The following SBF2 variants were observed in gnomAD, a reference collection of about 807,000 sequenced individuals.
SBF2 encodes the protein SET binding factor 2.
Under a neutral mutation model 225.2 loss-of-function variants are expected in SBF2, and 112 were observed. The observed-to-expected ratio is 0.50, with a 90% CI of 0.43 to 0.58. SBF2 has a LOEUF of 0.58. Ranked by LOEUF, SBF2 falls within the 20% of genes least tolerant of loss-of-function variation. The pLI is 0.00. For synonymous variants in SBF2, 763 were observed against 773.3 expected, an observed-to-expected ratio of 0.99 and a Z score of 0.22; for missense variants, 1,996 against 2,206.2, an observed-to-expected ratio of 0.90 and a Z score of 1.91.
In SBF2 at chr11:9,890,234, A is replaced by C. The variant is rs145672133; in HGVS notation, c.1929+5709T>G. Among the ~76,000 whole-genome samples, 564 of 151,946 alleles carry C rather than the reference A, an allele frequency of 3.7e-3. 3 individuals are homozygous for C. Among genetic ancestry groups the C allele is most frequent in the South Asian group, 5.0e-3 (24 of 4,810 alleles). ...TATTTATTTATTTATTTACTTACTT[A>C]TTTTTGTTTTTGAGAAATGTTCTAA... On this transcript the variant is annotated intron_variant, in intron 17 of 39. Transcript: ENST00000256190.
intron 6 of SBF2, among the ~76,000 whole-genome samples, chr11:10,007,581 G>A (rs1490324303): frequency 2.6e-5 from 4 of 152,186 alleles, no homozygotes; most frequent in African/African-American, 4.8e-5. Context: ...TGTTGGGCTT[G>A]TAAAATGGAT....
intron 17 of SBF2, among the ~76,000 whole-genome samples, chr11:9,886,733 A>T (rs906103033): frequency 7.9e-6 from 1 of 126,538 alleles, no homozygotes. Flanking sequence ...ATGTCATCTC[A>T]TACTTCACCC....
intron 1 of SBF2, among the ~76,000 whole-genome samples, chr11:10,262,228 T>C (rs1276590293): frequency 6.6e-6 from 1 of 152,150 alleles, no homozygotes; most frequent in Non-Finnish European, 1.5e-5. Context: ...GTGGATGATA[T>C]AGGAATCAAC....
At chr11:9,850,839 G>A (rs1246766051) in intron 21 of SBF2, among the ~76,000 whole-genome samples, 1 of 152,120 alleles carries the variant, frequency 6.6e-6, no homozygotes, top group African/African-American at 2.4e-5. Flanking sequence ...TGTTAACATG[G>A]AAAAATATCC....
chr11:10,273,067 C>T (rs1473105817), intron 1 of SBF2, among the ~76,000 whole-genome samples: 1 of 140,312 alleles, frequency 7.1e-6, no homozygotes, highest in Non-Finnish European at 1.6e-5. Context: ...GAGACTCCGT[C>T]TCCGAAAAAA....
intron 28 of SBF2, among the ~76,000 whole-genome samples, chr11:9,824,559 C>A (rs1325681118): frequency 4.4e-5 from 6 of 137,336 alleles, no homozygotes; most frequent in Non-Finnish European, 9.3e-5. Context: ...GAGACTCCAT[C>A]TCAAAAAAAA....
chr11:10,197,626 T>C (rs980299860), intron 1 of SBF2, among the ~76,000 whole-genome samples: 1 of 152,214 alleles, frequency 6.6e-6, no homozygotes, highest in African/African-American at 2.4e-5. Flanking sequence ...GTTTGCCATA[T>C]CGATTGACAC....
chr11:10,269,860 G>C (rs1375918975), intron 1 of SBF2, among the ~76,000 whole-genome samples: 1 of 152,048 alleles, frequency 6.6e-6, no homozygotes, highest in Non-Finnish European at 1.5e-5. Flanking sequence ...TTCCTGGTTT[G>C]AAATGATCCT....
chr11:9,862,152 T>G (rs184471628), intron 17 of SBF2, among the ~76,000 whole-genome samples: 3 of 152,348 alleles, frequency 2.0e-5, no homozygotes, highest in Admixed American at 6.5e-5. Flanking sequence ...TTAGAAATCA[T>G]TAACCCCCAA....
At chr11:9,828,217 A>C (rs1855178861) in intron 28 of SBF2, 3 of 1,287,820 alleles carry the variant, frequency 2.3e-6, no homozygotes, top group South Asian at 2.5e-5. Flanking sequence ...TCCTCCTTTC[A>C]GTCCCTAAAG....
At chr11:10,159,751 G>A (rs34124136) in intron 2 of SBF2, among the ~76,000 whole-genome samples, 11,573 of 152,104 alleles carry the variant, frequency 0.076, 625 homozygotes, top group East Asian at 0.28. Context: ...TTAGCCGGGC[G>A]CAGTGGCGGG....
chr11:10,175,309 G>A (rs1217977693), intron 2 of SBF2, among the ~76,000 whole-genome samples: 2 of 151,486 alleles, frequency 1.3e-5, no homozygotes, highest in Non-Finnish European at 2.9e-5. Flanking sequence ...ATAAAAGGAT[G>A]GAGGAAGATC....
At chr11:10,067,480 C>A (rs11042604) in intron 2 of SBF2, among the ~76,000 whole-genome samples, 9,149 of 151,898 alleles carry the variant, frequency 0.06, 557 homozygotes, top group East Asian at 0.19. Flanking sequence ...CTGAAACAGA[C>A]TAAATTGGAG....
intron 24 of SBF2, among the ~76,000 whole-genome samples, chr11:9,844,956 T>C (rs1026821341): frequency 6.6e-6 from 1 of 152,106 alleles, no homozygotes; most frequent in Non-Finnish European, 1.5e-5. Context: ...AAAGATAATG[T>C]CTTTGTTCTT....
At chr11:10,047,815 T>C (rs994128860) in intron 2 of SBF2, among the ~76,000 whole-genome samples, 4 of 152,166 alleles carry the variant, frequency 2.6e-5, no homozygotes, top group African/African-American at 9.6e-5. Context: ...TTCTATTACA[T>C]ATTTAGTTTA....
chr11:10,132,797 T>C (rs1296395269), intron 2 of SBF2, among the ~76,000 whole-genome samples: 3 of 149,030 alleles, frequency 2.0e-5, no homozygotes, highest in Admixed American at 6.8e-5. Flanking sequence ...ATCCTGCTGA[T>C]TGGTAGGGCC....
chr11:10,229,562 C>T (rs1022681597), intron 1 of SBF2, among the ~76,000 whole-genome samples: 11 of 152,100 alleles, frequency 7.2e-5, no homozygotes, highest in East Asian at 1.9e-4. Context: ...GCCTTCATTT[C>T]GTTACGTACC....
intron 2 of SBF2, among the ~76,000 whole-genome samples, chr11:10,162,628 A>T (rs1200415286): frequency 6.6e-6 from 1 of 152,218 alleles, no homozygotes; most frequent in Non-Finnish European, 1.5e-5. Flanking sequence ...TTTGGCAGTC[A>T]AATTATCAGA....
intron 7 of SBF2, among the ~76,000 whole-genome samples, chr11:10,001,330 C>T (rs566315489): frequency 9.9e-5 from 15 of 151,950 alleles, no homozygotes; most frequent in East Asian, 5.8e-4. Flanking sequence ...CATAGAAACC[C>T]GACATTAGAC....
Sources: gnomAD v4.1 joint callset for allele counts (sites outside exome capture counted in the v4.1 genomes callset) on GRCh38, gnomAD v4.1.1 for gene constraint, MANE v1.5 for transcripts, NCBI Gene and HGNC (gene_info 2026-07-23, HGNC 2026-07-21) for gene names.